Variants in KATNAL1 observed in about 807,000 individuals in gnomAD.
The protein encoded by KATNAL1 is katanin catalytic subunit A1 like 1, also known as katanin p60 ATPase-containing subunit A-like 1.
A neutral mutation model predicts 55.2 loss-of-function variants in KATNAL1; 32 were observed. The ratio of observed to expected loss-of-function variants is 0.58; its 90% CI spans 0.44 to 0.78. The LOEUF is 0.78. Among genes scored for constraint, KATNAL1 ranks in the 30% least tolerant of loss-of-function variants. KATNAL1 has a pLI of 0.00. For synonymous variants in KATNAL1, 193 were observed against 193.6 expected (o/e 1.00, Z 0.02); for missense variants, 466 against 600.9 (o/e 0.78, Z 2.35).
intron 1 of KATNAL1, among the ~76,000 whole-genome samples, chr13:30,295,471 A>C (rs936284828): frequency 3.3e-5 from 5 of 152,180 alleles, no homozygotes; most frequent in Non-Finnish European, 7.4e-5. Context: ...CTCATGACAA[A>C]ACATAAACGG....
intron 4 of KATNAL1, among the ~76,000 whole-genome samples, chr13:30,244,223 T>A (rs990840537): frequency 1.2e-4 from 18 of 152,252 alleles, no homozygotes; most frequent in Non-Finnish European, 2.4e-4. Context: ...GAATGATGGT[T>A]TCCAGCTTCA....
In KATNAL1 at chr13:30,207,107, T is replaced by C. The variant is rs1218256966; in HGVS notation, c.*1433A>G. ...TCCAAAAAGCTGTATTATTTTTAGT[T>C]TTAAACCAGTAGGCACTATTCGAAA... On this transcript the variant is annotated 3_prime_UTR_variant, in exon 11 of 11. Coordinates refer to ENST00000380615, the MANE Select transcript of KATNAL1 (RefSeq NM_032116.5). The C allele has an allele frequency of 6.6e-6, 1 of 152,218 alleles. No homozygotes were observed. Among genetic ancestry groups the C allele is most frequent in the African/African-American group, 2.4e-5 (1 of 41,454 alleles). 9.4% of individuals were successfully genotyped at this position (152,218 alleles called of 1,614,324 possible). A position where few individuals can be genotyped will look rare whatever the true frequency, so the allele number is the denominator to read the frequency against.
intron 3 of KATNAL1, among the ~76,000 whole-genome samples, chr13:30,257,161 A>G: frequency 6.6e-6 from 1 of 151,672 alleles, no homozygotes; most frequent in African/African-American, 2.4e-5. Flanking sequence ...TTTCAATGTG[A>G]CCACTGTTTT....
intron 1 of KATNAL1, among the ~76,000 whole-genome samples, chr13:30,306,544 C>T (rs1883189172): frequency 6.6e-6 from 1 of 152,158 alleles, no homozygotes; most frequent in Non-Finnish European, 1.5e-5. Context: ...CCAGATACCA[C>T]CATATAATCG....
intron 3 of KATNAL1, among the ~76,000 whole-genome samples, chr13:30,265,262 T>A (rs928912395): frequency 2.6e-5 from 4 of 151,872 alleles, no homozygotes; most frequent in Non-Finnish European, 5.9e-5. Context: ...TTGGGAGATA[T>A]ACCTAACGCT....
intron 4 of KATNAL1, among the ~76,000 whole-genome samples, chr13:30,247,100 A>T (rs1301530589): frequency 6.6e-6 from 1 of 152,162 alleles, no homozygotes; most frequent in African/African-American, 2.4e-5. Context: ...AGAAAAGGTA[A>T]GTAAATTGCC....
chr13:30,226,513 T>C (rs947379344), intron 9 of KATNAL1, among the ~76,000 whole-genome samples: 17 of 152,202 alleles, frequency 1.1e-4, no homozygotes, highest in Non-Finnish European at 2.1e-4. Flanking sequence ...TCCATTTATA[T>C]GAAGTTTAAC....
chr13:30,283,167 C>G (rs144464973), intron 2 of KATNAL1, among the ~76,000 whole-genome samples: 47 of 140,818 alleles, frequency 3.3e-4, no homozygotes, highest in Non-Finnish European at 2.0e-4. Context: ...ACTCCGGAGG[C>G]TGAGGAGGAG....
At chr13:30,261,007 T>C (rs1879242255) in intron 3 of KATNAL1, among the ~76,000 whole-genome samples, 1 of 151,870 alleles carries the variant, frequency 6.6e-6, no homozygotes, top group Non-Finnish European at 1.5e-5. Context: ...CCCATCAGAC[T>C]AACAGCGGAT....
intron 3 of KATNAL1, among the ~76,000 whole-genome samples, chr13:30,266,960 T>G (rs1207532072): frequency 6.6e-6 from 1 of 152,186 alleles, no homozygotes; most frequent in South Asian, 2.1e-4. Flanking sequence ...GGATATTGAG[T>G]GGATTCTTGT....
At chr13:30,211,582 C>A (rs1423348885) in intron 9 of KATNAL1, among the ~76,000 whole-genome samples, 1 of 152,156 alleles carries the variant, frequency 6.6e-6, no homozygotes, top group Non-Finnish European at 1.5e-5. Flanking sequence ...TAAAACAGTT[C>A]CCCAGTGTTT....
intron 3 of KATNAL1, among the ~76,000 whole-genome samples, chr13:30,278,150 G>C (rs1002633510): frequency 6.6e-6 from 1 of 151,712 alleles, no homozygotes; most frequent in Non-Finnish European, 1.5e-5. Flanking sequence ...TCCTTCTCTA[G>C]TAGAACCTTG....
At chr13:30,274,849 A>G (rs1434074587) in intron 3 of KATNAL1, among the ~76,000 whole-genome samples, 3 of 150,222 alleles carry the variant, frequency 2.0e-5, no homozygotes, top group African/African-American at 7.3e-5. Flanking sequence ...GATAAAGAAA[A>G]TGTGTGCATA....
intron 9 of KATNAL1, among the ~76,000 whole-genome samples, chr13:30,214,603 CTCAGAAATAA>C (rs1874026544): frequency 6.6e-5 from 10 of 152,116 alleles, no homozygotes; most frequent in Admixed American, 6.5e-4. Flanking sequence ...GAACAGAGTC[CTCAGAAATAA>C]TGCCGCATAT....
chr13:30,234,594 C>T (rs950135509), intron 6 of KATNAL1, among the ~76,000 whole-genome samples: 1 of 152,158 alleles, frequency 6.6e-6, no homozygotes, highest in African/African-American at 2.4e-5. Context: ...AAACCTTTCC[C>T]TTTACAAAAC....
intron 1 of KATNAL1, among the ~76,000 whole-genome samples, chr13:30,295,581 C>G (rs181243951): frequency 8.8e-5 from 13 of 147,680 alleles, no homozygotes; most frequent in Admixed American, 8.0e-4. Flanking sequence ...CTGGGCAACA[C>G]AGCAAGACCC....
chr13:30,267,723 T>A (rs1441304840), intron 3 of KATNAL1, among the ~76,000 whole-genome samples: 2 of 152,192 alleles, frequency 1.3e-5, no homozygotes, highest in Non-Finnish European at 2.9e-5. Context: ...AATATCCTTT[T>A]ACATACATAG....
At chr13:30,251,424 G>A (rs1388650676) in intron 4 of KATNAL1, among the ~76,000 whole-genome samples, 2 of 152,172 alleles carry the variant, frequency 1.3e-5, no homozygotes, top group African/African-American at 4.8e-5. Flanking sequence ...AGGGTTTTTG[G>A]AAGGTGGTTA....
At chr13:30,277,271 C>A (rs1195248456) in intron 3 of KATNAL1, among the ~76,000 whole-genome samples, 1 of 152,152 alleles carries the variant, frequency 6.6e-6, no homozygotes, top group East Asian at 1.9e-4. Flanking sequence ...TCAGAGGTGA[C>A]CATTAATTTT....
Sources: gnomAD v4.1 joint callset for allele counts (sites outside exome capture counted in the v4.1 genomes callset) on GRCh38, gnomAD v4.1.1 for gene constraint, MANE v1.5 for transcripts, NCBI Gene and HGNC (gene_info 2026-07-23, HGNC 2026-07-21) for gene names.